Variants in GNA13 observed in about 807,000 individuals in gnomAD.
GNA13 encodes the protein guanine nucleotide-binding protein subunit alpha-13.
GNA13 carries 4 observed loss-of-function variants against 33.5 expected under a neutral mutation model. That is an observed-to-expected ratio of 0.12 (90% CI 0.06 to 0.27). The LOEUF (loss-of-function observed/expected upper bound fraction) is 0.27, where lower values mean the gene tolerates loss of function less well. Among genes scored for constraint, GNA13 ranks in the 10% least tolerant of loss-of-function variants. The pLI, the probability that GNA13 is intolerant of heterozygous loss-of-function variation, is 1.00. For missense variants in GNA13, 319 were observed against 487.2 expected (o/e 0.65, Z 3.25); for synonymous variants, 176 against 183.8 (o/e 0.96, Z 0.34).
chr17:65,056,315 G>C lies in GNA13; in HGVS notation c.279C>G (p.Ile93Met). The C allele has an allele frequency of 6.5e-7, 1 of 1,540,122 alleles. No homozygotes were observed. The highest frequency in any genetic ancestry group is 8.8e-7 in the Non-Finnish European group (1 of 1,136,918). Residue 93 changes from isoleucine to methionine, a missense_variant, in exon 1 of 4, where the codon ATC becomes ATG. By Grantham distance (10) the Ile-to-Met change is conservative (BLOSUM62 1). This residue lies in a region of GNA13 where 136 missense variants were observed against 159.3 expected (regional missense o/e 0.85). Coordinates refer to ENST00000439174, the MANE Select transcript of GNA13 (RefSeq NM_006572.6). ...CCCCCATTCCCGGCCCGGCACCTTT[G>C]ATCACGTTGCTGTAGATGGTGGGGC... is the stretch of plus-strand genomic sequence containing the variant. The part of the protein sequence containing the change: ...EFRPTIYSNV[I>M]KGMRVLVDAR...
In GNA13 at chr17:65,013,313, G is replaced by T; in HGVS notation, c.*944C>A. 4.8e-6 allele frequency: 1 copy of T among 208,742 alleles called. No individual in the cohort carries two copies. The highest frequency in any genetic ancestry group is 2.3e-5 in the African/African-American group (1 of 44,088). The allele number at this position is 208,742 out of a possible 1,614,324, so 12.9% of individuals were successfully genotyped here. On this transcript the variant is annotated 3_prime_UTR_variant, in exon 4 of 4. Transcript: ENST00000439174. ...ACAGCAAAAGATAGATGTTTGTGAT[G>T]ATACAACAATGATTTCCTACAGTAA...
intron 2 of GNA13, among the ~76,000 whole-genome samples, chr17:65,021,954 T>C (rs1399241159): frequency 6.6e-6 from 1 of 152,228 alleles, no homozygotes; most frequent in Non-Finnish European, 1.5e-5. Context: ...ACAACAGTGC[T>C]AGTGAATTAC....
At position 65,018,237 on chromosome 17, in the gene GNA13, T is replaced by C. The variant is rs1906454964; in HGVS notation, c.561+16A>G. ...TCAAATGGCACTAAACATAAACATTTGGTTTAAACACTTACTGGTTCTCCA... is the reference window on the plus strand; with the variant it reads ...TCAAATGGCACTAAACATAAACATTCGGTTTAAACACTTACTGGTTCTCCA... On this transcript the variant is annotated intron_variant, in intron 3 of 3. Transcript: ENST00000439174. 1 of 1,395,268 alleles carries C rather than the reference T, an allele frequency of 7.2e-7. No individual in the cohort carries two copies. The highest frequency in any genetic ancestry group is 1.2e-5 in the South Asian group (1 of 86,228). The allele number at this position is 1,395,268 out of a possible 1,614,324, so 86.4% of individuals were successfully genotyped here. A position where few individuals can be genotyped will look rare whatever the true frequency, so the allele number is the denominator to read the frequency against.
At chr17:65,053,461 T>C in intron 2 of GNA13, 41 bp downstream of exon 2, 8 of 1,265,244 alleles carry the variant, frequency 6.3e-6, no homozygotes, top group Non-Finnish European at 9.2e-6. Flanking sequence ...CTAAACATCA[T>C]TAAAATAAAA....
chr17:65,043,193 T>C (rs1907526500), intron 2 of GNA13, among the ~76,000 whole-genome samples: 1 of 152,178 alleles, frequency 6.6e-6, no homozygotes, highest in Admixed American at 6.5e-5. Flanking sequence ...TCCCACAGCA[T>C]GGCACAAAAC....
chr17:65,054,768 G>C (rs569475869), intron 1 of GNA13, among the ~76,000 whole-genome samples: 1 of 152,312 alleles, frequency 6.6e-6, no homozygotes, highest in African/African-American at 2.4e-5. Context: ...CAGTTAACAT[G>C]TTGATGCTAT....
chr17:65,010,297 T>C lies in GNA13; in HGVS notation c.*3960A>G, dbSNP rs1409055774. Among the ~76,000 whole-genome samples the C allele has an allele frequency of 6.6e-6, 1 of 152,032 alleles. No homozygotes were observed. The highest frequency in any genetic ancestry group is 2.4e-5 in the African/African-American group (1 of 41,392). On this transcript the variant is annotated 3_prime_UTR_variant, in exon 4 of 4. Coordinates refer to ENST00000439174, the MANE Select transcript of GNA13 (RefSeq NM_006572.6). ...TACTTGATGGAACTTGAAAAAGCCA[T>C]AAAGTCCAACTTGTTTAAAATGTTC...
At chr17:65,021,811 T>C (rs1046946660) in intron 2 of GNA13, among the ~76,000 whole-genome samples, 5 of 152,252 alleles carry the variant, frequency 3.3e-5, no homozygotes, top group East Asian at 1.9e-4. Flanking sequence ...ATAAGGTTTA[T>C]AGAGATGGGT....
chr17:65,049,186 T>G (rs1346864158), intron 2 of GNA13, among the ~76,000 whole-genome samples: 1 of 152,204 alleles, frequency 6.6e-6, no homozygotes, highest in Non-Finnish European at 1.5e-5. Flanking sequence ...CTCCACTCAC[T>G]GCAACCTCCA....
At chr17:65,044,585 G>A (rs950051004) in intron 2 of GNA13, among the ~76,000 whole-genome samples, 3 of 150,308 alleles carry the variant, frequency 2.0e-5, no homozygotes, top group Non-Finnish European at 2.9e-5. Flanking sequence ...AGAATTAATC[G>A]AACCCAGGAA....
intron 2 of GNA13, among the ~76,000 whole-genome samples, chr17:65,031,463 A>AT (rs1276760840): frequency 1.3e-5 from 2 of 152,272 alleles, no homozygotes; most frequent in Admixed American, 1.3e-4. Context: ...CCATGCATAT[A>AT]TAAGTCCTTT....
chr17:65,034,012 CAAAAAAAA>C (rs780895691), intron 2 of GNA13, among the ~76,000 whole-genome samples: 12 of 50,092 alleles, frequency 2.4e-4, no homozygotes, highest in Admixed American at 1.1e-3. Context: ...GACTCCGTCT[CAAAAAAAA>C]AAAAAAAAAA....
chr17:65,015,330 C>T (rs549333816), intron 3 of GNA13, among the ~76,000 whole-genome samples: 1 of 152,120 alleles, frequency 6.6e-6, no homozygotes, highest in Non-Finnish European at 1.5e-5. Flanking sequence ...TTCCTGTCTG[C>T]GTATCTACCT....
intron 2 of GNA13, among the ~76,000 whole-genome samples, chr17:65,043,277 G>C (rs1447594379): frequency 7.8e-6 from 1 of 128,770 alleles, no homozygotes; most frequent in Non-Finnish European, 1.6e-5. Context: ...CATTAAGTTT[G>C]AACATGTTTA....
chr17:65,036,193 C>A (rs1907239698), intron 2 of GNA13, among the ~76,000 whole-genome samples: 1 of 152,224 alleles, frequency 6.6e-6, no homozygotes, highest in Non-Finnish European at 1.5e-5. Flanking sequence ...ACTTTCCCAT[C>A]CTTCACAGTC....
At chr17:65,022,233 G>T (rs1000431380) in intron 2 of GNA13, among the ~76,000 whole-genome samples, 3 of 152,074 alleles carry the variant, frequency 2.0e-5, no homozygotes, top group African/African-American at 7.2e-5. Flanking sequence ...TTGGTGTATC[G>T]TCTATGGGAA....
chr17:65,038,481 C>T (rs1441228155), intron 2 of GNA13, among the ~76,000 whole-genome samples: 2 of 152,220 alleles, frequency 1.3e-5, no homozygotes, highest in Middle Eastern at 3.4e-3. Flanking sequence ...GGCATAATCA[C>T]GGCTCACTGC....
At chr17:65,044,992 A>G (rs1907606136) in intron 2 of GNA13, among the ~76,000 whole-genome samples, 1 of 151,234 alleles carries the variant, frequency 6.6e-6, no homozygotes, top group African/African-American at 2.4e-5. Flanking sequence ...TCAGTGAGCC[A>G]AGATCACGCC....
rs1338858105 is a variant in GNA13, at chr17:65,010,909, CATT to C, written c.*3345_*3347del. 9.8e-6 allele frequency: 2 copies of C among 203,518 alleles called. No individual in the cohort carries two copies. The highest frequency in any genetic ancestry group is 1.2e-4 in the Admixed American group (2 of 16,706). The allele number at this position is 203,518 out of a possible 1,614,324, so 12.6% of individuals were successfully genotyped here. ...AGTTTGGGGTTTTGTCTAAATGTAT[CATT>C]ATATAATGAAAGCACCAATTTGAGG... On this transcript the variant is annotated 3_prime_UTR_variant, in exon 4 of 4. Coordinates refer to ENST00000439174, the MANE Select transcript of GNA13 (RefSeq NM_006572.6).
Sources: gnomAD v4.1 joint callset for allele counts (sites outside exome capture counted in the v4.1 genomes callset) on GRCh38, gnomAD v4.1.1 for gene constraint, gnomAD v4.1.1 regional missense constraint, MANE v1.5 for transcripts, NCBI Gene and HGNC (gene_info 2026-07-23, HGNC 2026-07-21) for gene names.